Variants in PASK observed in about 807,000 individuals in gnomAD.
PASK encodes the protein PAS domain containing serine/threonine kinase.
PASK carries 110 observed loss-of-function variants against 121.0 expected under a neutral mutation model. The ratio of observed to expected loss-of-function variants is 0.91; its 90% CI spans 0.78 to 1.06. The LOEUF (loss-of-function observed/expected upper bound fraction) is 1.06, where lower values mean the gene tolerates loss of function less well. Ranked by LOEUF, PASK falls within the 50% of genes least tolerant of loss-of-function variation. The pLI, the probability that PASK is intolerant of heterozygous loss-of-function variation, is 0.00. For synonymous variants in PASK, 686 were observed against 717.8 expected, an observed-to-expected ratio of 0.96 and a Z score of 0.71; for missense variants, 1,643 against 1,702.3, an observed-to-expected ratio of 0.97 and a Z score of 0.61.
chr2:241,138,540 C>A (rs1402808853), intron 5 of PASK, 114 bp downstream of exon 5: 2 of 1,280,216 alleles, frequency 1.6e-6, no homozygotes, highest in South Asian at 2.4e-5. Context: ...ACCCTCCAGG[C>A]TCCTCATCCT....
At chr2:241,131,068 G>A (rs1288930113) in intron 9 of PASK, among the ~76,000 whole-genome samples, 1 of 136,246 alleles carries the variant, frequency 7.3e-6, no homozygotes, top group East Asian at 1.9e-4. Flanking sequence ...GATTGGAGGA[G>A]GGGGATTGGA....
chr2:241,106,519 G>A lies in PASK; in HGVS notation c.*47C>T, dbSNP rs374993877. ...TCCAAACAGATGGAGCCTGAAAACT[G>A]TGTGATTTTCCAAACCAAGTGGAGA... On this transcript the variant is annotated 3_prime_UTR_variant, in exon 18 of 18. Transcript: ENST00000234040. 6.3e-7 allele frequency: 1 copy of A among 1,593,480 alleles called. No homozygotes were observed. Among genetic ancestry groups the A allele is most frequent in the Non-Finnish European group, 8.6e-7 (1 of 1,161,180 alleles).
rs1230518035 is a variant in PASK at position 241,106,645 on chromosome 2, C to G, written c.3893G>C (p.Cys1298Ser). Residue 1298 changes from cysteine (C) to serine (S), a missense_variant, in exon 18 of 18, where the codon TGT (cysteine) becomes TCT (serine). Physicochemically the swap from Cys to Ser is moderately radical, Grantham distance 112. This residue lies in a region of PASK where 453 missense variants were observed against 511.2 expected (regional missense o/e 0.89). Transcript: ENST00000234040. ...AGCCTCGCCTGGAACGGGGCCCCCA[C>G]AAAGCTCCTGAGCCTGGGCCACATC... ...LSDVAQAQEL[C>S]GGPVPGEAPN... is the part of the protein sequence containing the mutation. 6.2e-7 allele frequency: 1 copy of G among 1,614,240 alleles called. No homozygotes were observed. The highest frequency in any genetic ancestry group is 1.7e-5 in the Admixed American group (1 of 60,030).
chr2:241,131,827 G>A (rs896572710), intron 9 of PASK, among the ~76,000 whole-genome samples: 26 of 152,134 alleles, frequency 1.7e-4, no homozygotes, highest in African/African-American at 3.6e-4. Context: ...AGGCCAAGGC[G>A]GGTGGACCAT....
intron 16 of PASK, 109 bp from the exon 17 acceptor site, chr2:241,107,608 T>A: frequency 9.2e-7 from 1 of 1,087,484 alleles, no homozygotes; most frequent in South Asian, 1.3e-5. Context: ...ACTGGGCAGG[T>A]GGCGGCCCAG....
In PASK at chr2:241,126,741, C is replaced by T. The variant is rs2005771; in HGVS notation, c.2174G>A (p.Gly725Asp). The change falls in exon 10 of 18, where the codon GGC (glycine) becomes GAC (aspartate). Residue 725 changes from glycine (G) to aspartate (D), a missense_variant. Transcript: ENST00000234040. The stretch of plus-strand genomic sequence containing the variant: ...CTCCTGGGCCTCCACTGCTTCCAGG[C>T]CCCCAGGGAGGTCCGTGGCCAAGGC... ...CYALATDLPG[G>D]LEAVEAQEVD... 0.018 allele frequency: 28,643 copies of T among 1,614,078 alleles called. 2,549 individuals carry two copies. The East Asian group carries it at 0.21, about 12-fold the overall frequency.
At chr2:241,147,793 T>A (rs1056222767) in intron 1 of PASK, among the ~76,000 whole-genome samples, 3 of 152,086 alleles carry the variant, frequency 2.0e-5, no homozygotes, top group African/African-American at 7.2e-5. Flanking sequence ...AAATACCAAC[T>A]AAAGTTGTGG....
At chr2:241,149,134 C>G (rs2067141248) in intron 1 of PASK, among the ~76,000 whole-genome samples, 1 of 151,756 alleles carries the variant, frequency 6.6e-6, no homozygotes, top group Non-Finnish European at 1.5e-5. Context: ...GGCCTCGGCG[C>G]CCACCGGGCA....
Position 241,138,803 on chromosome 2 carries a change from A to T in PASK, c.601-9T>A. 6.2e-7 allele frequency: 1 copy of T among 1,613,878 alleles called. No individual in the cohort carries two copies. ...CGGCTGATGATGTCCACCTGTGGAA[A>T]CAGACAGGTTCACACCTGCATGCCA... On this transcript the variant is annotated splice_polypyrimidine_tract_variant and intron_variant, in intron 4 of 17. Transcript: ENST00000234040.
intron 9 of PASK, 31 bp from the exon 10 acceptor site, chr2:241,127,482 T>C: frequency 6.4e-7 from 1 of 1,561,964 alleles, no homozygotes; most frequent in Non-Finnish European, 8.8e-7. Flanking sequence ...GACCATCATG[T>C]AGGGCCACAG....
At chr2:241,140,180 G>T in intron 3 of PASK, 125 bp from the exon 4 acceptor site, 1 of 808,114 alleles carries the variant, frequency 1.2e-6, no homozygotes, top group Non-Finnish European at 2.1e-6. Context: ...TCACTCTGTT[G>T]CCCAGGCTGG....
intron 1 of PASK, among the ~76,000 whole-genome samples, chr2:241,146,657 T>A (rs112637536): frequency 0.026 from 3,907 of 152,292 alleles, 158 homozygotes; most frequent in African/African-American, 0.088. Flanking sequence ...GAGGATTCCT[T>A]TGTCATGAAA....
intron 1 of PASK, among the ~76,000 whole-genome samples, chr2:241,143,317 C>T (rs1043296693): frequency 6.6e-6 from 1 of 152,018 alleles, no homozygotes; most frequent in African/African-American, 2.4e-5. Context: ...CTGAGGAGGG[C>T]GGATCACGAG....
chr2:241,137,261 G>T lies in PASK; in HGVS notation c.880C>A (p.Leu294Ile). The change falls in exon 7 of 18, where the codon CTC becomes ATC. Residue 294 changes from leucine to isoleucine, a missense_variant. Leu to Ile is a conservative substitution (Grantham distance 5, BLOSUM62 2). Transcript: ENST00000234040. ...PPSGQHIPKN[L>I]KIQRSVGRAR... ...CTTCCAACAGACCTCTGAATCTTGA[G>T]ATTCTGAAAGAAAGGCTTGTCGTTT... The T allele has an allele frequency of 6.2e-7, 1 of 1,613,158 alleles. No homozygotes were observed. Among genetic ancestry groups the T allele is most frequent in the Non-Finnish European group, 8.5e-7 (1 of 1,179,112 alleles).
intron 12 of PASK, among the ~76,000 whole-genome samples, chr2:241,120,911 A>C (rs2065579383): frequency 6.6e-6 from 1 of 152,266 alleles, no homozygotes; most frequent in African/African-American, 2.4e-5. Flanking sequence ...CAAAAAATGG[A>C]AACAACACAA....
In PASK at chr2:241,133,017, A is replaced by G. The variant is rs1446481821; in HGVS notation, c.1320T>C (p.Asn440=). 6 of 1,614,138 alleles carry G rather than the reference A, an allele frequency of 3.7e-6. No individual in the cohort carries two copies. Among genetic ancestry groups the G allele is most frequent in the Non-Finnish European group, 5.1e-6 (6 of 1,180,016 alleles). The change falls in exon 9 of 18, where the codon AAT becomes AAC. Residue 440 remains asparagine (N), a synonymous_variant. Transcript: ENST00000234040. ...CAACGTGGCCACCAGCAAGCACGAC[A>G]TTAATCCTTGGATCTGGCAGCAACA... The part of the protein sequence containing the change: ...PAEGGQDPRI[N]VVLAGGHVVP...
Position 241,122,777 on chromosome 2 carries a change from G to A in PASK, c.3027C>T (p.Ala1009=). ...CCACAGCAGTCCACACGAAGCCGAA[G>A]GCCCCACTGCCCAGCGGGCTCATGG... ...YSTMSPLGSG[A]FGFVWTAVDK... Residue 1009 remains alanine (A), a synonymous_variant, in exon 12 of 18, where the codon GCC becomes GCT. Coordinates refer to ENST00000234040, the MANE Select transcript of PASK (RefSeq NM_015148.4). The A allele has an allele frequency of 1.2e-6, 2 of 1,614,176 alleles. No individual in the cohort carries two copies. The highest frequency in any genetic ancestry group is 1.7e-6 in the Non-Finnish European group (2 of 1,180,020).
Position 241,126,887 on chromosome 2 carries a change from A to G in PASK, c.2028T>C (p.Asp676=). 1 of 1,613,528 alleles carries G rather than the reference A, an allele frequency of 6.2e-7. No individual in the cohort carries two copies. The highest frequency in any genetic ancestry group is 8.5e-7 in the Non-Finnish European group (1 of 1,179,550). Residue 676 remains aspartate (D), a synonymous_variant, in exon 10 of 18, where the codon GAT becomes GAC. Coordinates refer to ENST00000234040, the MANE Select transcript of PASK (RefSeq NM_015148.4). The part of the protein sequence containing the change: ...LSQLSLAGAL[D]VPHAELVPTE... Reference sequence around the variant, plus strand: ...TCGGAACGAGTTCGGCGTGGGGGACATCCAGGGCTCCTGCAAGGCTCAACT... The same window carrying G: ...TCGGAACGAGTTCGGCGTGGGGGACGTCCAGGGCTCCTGCAAGGCTCAACT...
Position 241,108,135 on chromosome 2 carries a change from T to C in PASK, c.3667+32A>G. 6.2e-7 allele frequency: 1 copy of C among 1,613,150 alleles called. No individual in the cohort carries two copies. ...AAGTGGCTGGTCTCTAAGGACAGTG[T>C]CGACTGTCTACCACTTGCAGCTCAC... On this transcript the variant is annotated intron_variant, in intron 16 of 17. Coordinates refer to ENST00000234040, the MANE Select transcript of PASK (RefSeq NM_015148.4). The surrounding 1 kb of genome is among the most constrained non-coding windows in gnomAD (Gnocchi z 5.2).
Sources: allele counts gnomAD v4.1 joint callset (sites outside exome capture counted in the v4.1 genomes callset), GRCh38; gene constraint gnomAD v4.1.1; regional missense constraint gnomAD v4.1.1; non-coding constraint Gnocchi (gnomAD v3.1); transcripts MANE v1.5; gene names NCBI Gene and HGNC (gene_info 2026-07-23, HGNC 2026-07-21).